The following ATF7IP variants were observed in gnomAD, a reference collection of about 807,000 sequenced individuals.
ATF7IP encodes the protein activating transcription factor 7-interacting protein 1.
Under a neutral mutation model 106.4 loss-of-function variants are expected in ATF7IP, and 23 were observed. That is an observed-to-expected ratio of 0.22 (90% confidence interval 0.16 to 0.31). The LOEUF (loss-of-function observed/expected upper bound fraction) is 0.31, where lower values mean the gene tolerates loss of function less well. ATF7IP is among the 10% of genes least tolerant of loss of function. The pLI is 1.00. For missense variants in ATF7IP, 1,334 were observed against 1,524.3 expected (o/e 0.88, Z 2.08); for synonymous variants, 542 against 539.0 (o/e 1.01, Z -0.08).
At chr12:14,381,523 G>A (rs897990994) in intron 1 of ATF7IP, among the ~76,000 whole-genome samples, 2 of 152,146 alleles carry the variant, frequency 1.3e-5, no homozygotes, top group Non-Finnish European at 2.9e-5. Flanking sequence ...GAGCCATCGT[G>A]TCCGGCTGGT....
At chr12:14,496,384 G>C (rs965272519) in intron 14 of ATF7IP, 41 bp downstream of exon 14, 3 of 1,325,276 alleles carry the variant, frequency 2.3e-6, no homozygotes, top group African/African-American at 2.9e-5. Context: ...CTCAACTGTA[G>C]AGGTATAAAA....
intron 5 of ATF7IP, among the ~76,000 whole-genome samples, chr12:14,442,400 G>A (rs1173182797): frequency 1.3e-5 from 2 of 152,138 alleles, no homozygotes; most frequent in Non-Finnish European, 2.9e-5. Flanking sequence ...GTTTTGCAAT[G>A]TGTACATAGT....
intron 9 of ATF7IP, chr12:14,466,192 T>C: frequency 5.5e-6 from 1 of 180,706 alleles, no homozygotes; most frequent in Non-Finnish European, 1.1e-5. Flanking sequence ...CAAAAGAACA[T>C]AGTGTGGAGG....
At chr12:14,484,106 C>T (rs1050516698) in intron 13 of ATF7IP, among the ~76,000 whole-genome samples, 6 of 152,158 alleles carry the variant, frequency 3.9e-5, no homozygotes, top group Admixed American at 3.3e-4. Flanking sequence ...GCTAGCTGAT[C>T]ACCCCGAGGA....
intron 2 of ATF7IP, among the ~76,000 whole-genome samples, chr12:14,433,847 T>G (rs1480478632): frequency 2.6e-5 from 4 of 152,208 alleles, no homozygotes; most frequent in Non-Finnish European, 5.9e-5. Context: ...GTTTTTATTA[T>G]ATTTGGGATA....
At chr12:14,416,593 T>A (rs1941216884) in intron 1 of ATF7IP, among the ~76,000 whole-genome samples, 1 of 152,216 alleles carries the variant, frequency 6.6e-6, no homozygotes, top group Non-Finnish European at 1.5e-5. Context: ...GTTAAGTCTG[T>A]TCTTGGAAAG....
At chr12:14,471,071 C>T (rs748367747) in intron 10 of ATF7IP, among the ~76,000 whole-genome samples, 4 of 151,982 alleles carry the variant, frequency 2.6e-5, no homozygotes, top group East Asian at 1.9e-4. Flanking sequence ...TGTTTAATTT[C>T]GTAATATTTG....
In ATF7IP at chr12:14,448,804, C is replaced by T. The variant is rs12297650; in HGVS notation, c.1995+1751C>T. Among the ~76,000 whole-genome samples, 907 of 152,224 alleles carry T rather than the reference C, an allele frequency of 6.0e-3. 9 individuals carry two copies. Among genetic ancestry groups the T allele is most frequent in the African/African-American group, 0.02 (822 of 41,546 alleles). ...AAGAGTTCCAGATTTCCCATAACCT[C>T]GCTAACGTGTTATTTTCTGTTCTTT... On this transcript the variant is annotated intron_variant, in intron 6 of 14. Coordinates refer to ENST00000261168, the MANE Select transcript of ATF7IP (RefSeq NM_018179.5).
chr12:14,489,660 T>A (rs1052712330), intron 13 of ATF7IP, among the ~76,000 whole-genome samples: 3 of 152,190 alleles, frequency 2.0e-5, no homozygotes, highest in African/African-American at 7.2e-5. Context: ...TATTGTCACC[T>A]AGTTGGCATT....
intron 2 of ATF7IP, among the ~76,000 whole-genome samples, chr12:14,433,046 G>T (rs1241487883): frequency 1.3e-5 from 2 of 152,100 alleles, no homozygotes; most frequent in Non-Finnish European, 2.9e-5. Flanking sequence ...GCACTCTTCA[G>T]TTGTTACATT....
At chr12:14,417,110 T>C (rs1021748601) in intron 1 of ATF7IP, among the ~76,000 whole-genome samples, 1 of 152,178 alleles carries the variant, frequency 6.6e-6, no homozygotes. Context: ...TTTAAAGAAC[T>C]ATAGAATGGT....
intron 1 of ATF7IP, among the ~76,000 whole-genome samples, chr12:14,388,078 T>TGA (rs1939342156): frequency 2.7e-5 from 4 of 147,392 alleles, no homozygotes; most frequent in Admixed American, 6.8e-5. Context: ...CGATGATGCT[T>TGA]CCTCGGCTCA....
chr12:14,426,614 C>G lies in ATF7IP; in HGVS notation c.1558+1141C>G, dbSNP rs541823486. ...GGCTGAGGCAGGCAGATTGCTTGAG[C>G]TCAGGAGTTCGAGACCAGCCTGGGC... On this transcript the variant is annotated intron_variant, in intron 2 of 14. Transcript: ENST00000261168. 3.4e-5 allele frequency among the ~76,000 whole-genome samples: 5 copies of G among 146,782 alleles called. No homozygotes were observed. In the South Asian group the frequency reaches 1.1e-3, roughly 32 times the overall value.
chr12:14,489,476 G>A (rs1944735350), intron 13 of ATF7IP, among the ~76,000 whole-genome samples: 1 of 152,138 alleles, frequency 6.6e-6, no homozygotes, highest in East Asian at 1.9e-4. Context: ...GGAACAGGAA[G>A]CAAAAATTTT....
chr12:14,393,033 T>A (rs192301314), intron 1 of ATF7IP, among the ~76,000 whole-genome samples: 5 of 152,322 alleles, frequency 3.3e-5, no homozygotes, highest in Admixed American at 3.3e-4. Context: ...TTAGTAAGCA[T>A]GTTGTGGAGA....
intron 1 of ATF7IP, among the ~76,000 whole-genome samples, chr12:14,378,100 CT>C (rs59879512): frequency 8.1e-4 from 111 of 137,842 alleles, no homozygotes; most frequent in East Asian, 4.0e-3. Flanking sequence ...TTTTCTTTTT[CT>C]TTTTTTTTTT....
intron 1 of ATF7IP, among the ~76,000 whole-genome samples, chr12:14,381,995 T>A (rs891201269): frequency 7.2e-5 from 11 of 151,782 alleles, no homozygotes; most frequent in Admixed American, 1.3e-4. Context: ...AAAAAAAAAA[T>A]TGAATGCAGC....
chr12:14,485,133 G>A (rs1158563950), intron 13 of ATF7IP, among the ~76,000 whole-genome samples: 1 of 152,006 alleles, frequency 6.6e-6, no homozygotes, highest in Non-Finnish European at 1.5e-5. Flanking sequence ...AATCTGCTGG[G>A]TCCTATGGTC....
At chr12:14,446,914 A>G in intron 5 of ATF7IP, 74 bp from the exon 6 acceptor site, 1 of 1,029,254 alleles carries the variant, frequency 9.7e-7, no homozygotes, top group Non-Finnish European at 1.3e-6. Context: ...CTTTTTATAT[A>G]TTCATGGTTT....
Sources: gnomAD v4.1 joint callset for allele counts (sites outside exome capture counted in the v4.1 genomes callset) on GRCh38, gnomAD v4.1.1 for gene constraint, MANE v1.5 for transcripts, NCBI Gene and HGNC (gene_info 2026-07-23, HGNC 2026-07-21) for gene names.